FAT3: variants seen among roughly 807,000 people sequenced by gnomAD.
FAT3 encodes FAT atypical cadherin 3, also known as protocadherin Fat 3.
FAT3 carries 95 observed loss-of-function variants against 310.2 expected under a neutral mutation model. The observed-to-expected ratio is 0.31, with a 90% CI of 0.26 to 0.36. FAT3 has a LOEUF of 0.36. FAT3 is among the 10% of genes least tolerant of loss of function. The pLI is 1.00. For missense variants in FAT3, 5,408 were observed against 5,715.6 expected (o/e 0.95, Z 1.74); for synonymous variants, 2,314 against 2,192.9 (o/e 1.06, Z -1.54).
chr11:92,439,640 G>T (rs753603956), intron 2 of FAT3, among the ~76,000 whole-genome samples: 4 of 152,122 alleles, frequency 2.6e-5, no homozygotes, highest in Non-Finnish European at 5.9e-5. Flanking sequence ...TAAAGGCCAG[G>T]CATGGTGGCT....
chr11:92,707,403 G>A (rs1183561741), intron 4 of FAT3, among the ~76,000 whole-genome samples: 1 of 152,176 alleles, frequency 6.6e-6, no homozygotes, highest in Admixed American at 6.5e-5. Flanking sequence ...ATGGGAACGT[G>A]GTGCTATGTT....
At chr11:92,618,457 G>T (rs532741285) in intron 3 of FAT3, among the ~76,000 whole-genome samples, 6 of 152,034 alleles carry the variant, frequency 3.9e-5, no homozygotes, top group African/African-American at 1.4e-4. Flanking sequence ...GCCCTGCTTC[G>T]GCTCACACTC....
chr11:92,408,301 G>C, intron 2 of FAT3: 1 of 152,214 alleles, frequency 6.6e-6, no homozygotes, highest in Non-Finnish European at 1.5e-5. Context: ...AATTCCAAAT[G>C]TAGCCACAAA....
chr11:92,303,655 T>C (rs1947053278), intron 1 of FAT3, among the ~76,000 whole-genome samples: 1 of 152,132 alleles, frequency 6.6e-6, no homozygotes, highest in African/African-American at 2.4e-5. Context: ...AATAAATGTA[T>C]TGTTGTAGCT....
At chr11:92,762,911 AC>A (rs1207490157) in intron 5 of FAT3, among the ~76,000 whole-genome samples, 1 of 151,922 alleles carries the variant, frequency 6.6e-6, no homozygotes, top group Non-Finnish European at 1.5e-5. Flanking sequence ...TAATCCCAGC[AC>A]TTTGGGAGGC....
chr11:92,475,069 G>A (rs1280507297), intron 2 of FAT3, among the ~76,000 whole-genome samples: 1 of 152,008 alleles, frequency 6.6e-6, no homozygotes, highest in African/African-American at 2.4e-5. Context: ...GGCGGTTTTG[G>A]TCTTATCATC....
chr11:92,296,139 A>T (rs902802617), intron 1 of FAT3, among the ~76,000 whole-genome samples: 1 of 152,114 alleles, frequency 6.6e-6, no homozygotes, highest in Non-Finnish European at 1.5e-5. Flanking sequence ...CTGGACCCAC[A>T]GTCTTTATGC....
intron 1 of FAT3, among the ~76,000 whole-genome samples, chr11:92,296,245 G>T (rs547855531): frequency 6.6e-6 from 1 of 152,126 alleles, no homozygotes; most frequent in Non-Finnish European, 1.5e-5. Flanking sequence ...GTGTGGTTAA[G>T]ACCACAGGCT....
intron 7 of FAT3, among the ~76,000 whole-genome samples, chr11:92,775,041 A>G (rs1255337231): frequency 1.3e-5 from 2 of 152,270 alleles, no homozygotes; most frequent in East Asian, 3.9e-4. Flanking sequence ...GAGCTGGCAC[A>G]CATGCATATG....
At chr11:92,412,746 A>ACACATAT (rs1591252852) in intron 2 of FAT3, among the ~76,000 whole-genome samples, 2 of 18,072 alleles carry the variant, frequency 1.1e-4, no homozygotes, top group Non-Finnish European at 2.2e-4. Context: ...TATATATATA[A>ACACATAT]ATATACATAC....
chr11:92,320,350 G>A (rs1030320419), intron 1 of FAT3, among the ~76,000 whole-genome samples: 12 of 151,994 alleles, frequency 7.9e-5, no homozygotes, highest in Non-Finnish European at 1.3e-4. Flanking sequence ...GCAGAACATC[G>A]TTTATCCAAG....
chr11:92,830,903 G>C lies in FAT3; in HGVS notation c.9482-719G>C, dbSNP rs138018621. 5.9e-5 allele frequency among the ~76,000 whole-genome samples: 9 copies of C among 152,186 alleles called. No homozygotes were observed. The East Asian group carries it at 1.7e-3, about 29-fold the overall frequency. ...GAACCCTTCATTTCTCACCACCTGG[G>C]TGCTTAGAATAGATGTGGAACCTGA... On this transcript the variant is annotated intron_variant, in intron 13 of 27. Transcript: ENST00000525166.
chr11:92,889,333 C>T (rs759103320), intron 26 of FAT3, 85 bp downstream of exon 26: 219 of 574,940 alleles, frequency 3.8e-4, no homozygotes, highest in Non-Finnish European at 5.1e-4. Flanking sequence ...ATGGATTGGC[C>T]ACAGAGGGGG....
At chr11:92,335,869 A>G (rs1948057796) in intron 1 of FAT3, among the ~76,000 whole-genome samples, 1 of 152,224 alleles carries the variant, frequency 6.6e-6, no homozygotes, top group Non-Finnish European at 1.5e-5. Flanking sequence ...ATCAATCCCA[A>G]AATCAAACAG....
At chr11:92,538,785 G>C (rs1326738861) in intron 3 of FAT3, among the ~76,000 whole-genome samples, 1 of 152,094 alleles carries the variant, frequency 6.6e-6, no homozygotes, top group East Asian at 1.9e-4. Flanking sequence ...AAAATGAAGA[G>C]ATTAAGTAAA....
chr11:92,368,988 T>A (rs1035124214), intron 2 of FAT3, among the ~76,000 whole-genome samples: 2 of 151,962 alleles, frequency 1.3e-5, no homozygotes, highest in African/African-American at 2.4e-5. Context: ...TATATATGTA[T>A]GGAATTGAAG....
At chr11:92,563,912 G>A (rs1447430900) in intron 3 of FAT3, among the ~76,000 whole-genome samples, 1 of 151,900 alleles carries the variant, frequency 6.6e-6, no homozygotes, top group African/African-American at 2.4e-5. Context: ...GGAACAACCG[G>A]TACCAGCCGC....
chr11:92,587,414 C>G (rs1434562915), intron 3 of FAT3, among the ~76,000 whole-genome samples: 2 of 151,768 alleles, frequency 1.3e-5, no homozygotes, highest in African/African-American at 4.8e-5. Context: ...TACTTTTTTC[C>G]CCTTAGAACA....
intron 4 of FAT3, among the ~76,000 whole-genome samples, chr11:92,757,105 G>A (rs150212137): frequency 1.0e-3 from 157 of 151,832 alleles, no homozygotes; most frequent in African/African-American, 3.1e-3. Flanking sequence ...TGCACTTTTA[G>A]TAGAGACAGG....
Sources: allele counts gnomAD v4.1 joint callset (sites outside exome capture counted in the v4.1 genomes callset), GRCh38; gene constraint gnomAD v4.1.1; transcripts MANE v1.5; gene names NCBI Gene and HGNC (gene_info 2026-07-23, HGNC 2026-07-21).